HIPK2: variants seen among roughly 807,000 people sequenced by gnomAD.
The protein encoded by HIPK2 is homeodomain-interacting protein kinase 2.
A neutral mutation model predicts 113.7 loss-of-function variants in HIPK2; 27 were observed. That is an observed-to-expected ratio of 0.24 (90% CI 0.17 to 0.33). The LOEUF (loss-of-function observed/expected upper bound fraction) is 0.33, where lower values mean the gene tolerates loss of function less well. Among genes scored for constraint, HIPK2 ranks in the 10% least tolerant of loss-of-function variants. The pLI, the probability that HIPK2 is intolerant of heterozygous loss-of-function variation, is 1.00. For synonymous variants in HIPK2, 631 were observed against 642.2 expected (o/e 0.98, Z 0.26); for missense variants, 1,257 against 1,588.0 (o/e 0.79, Z 3.54).
intron 6 of HIPK2, among the ~76,000 whole-genome samples, chr7:139,622,513 AGT>A (rs1800269292): frequency 6.6e-6 from 1 of 152,162 alleles, no homozygotes; most frequent in South Asian, 2.1e-4. Context: ...AAATATTTCA[AGT>A]TTTGGGTTTT....
chr7:139,710,372 T>G (rs73733198), intron 2 of HIPK2, among the ~76,000 whole-genome samples: 3,660 of 150,824 alleles, frequency 0.024, 156 homozygotes, highest in African/African-American at 0.084. Context: ...TCATGTTAAC[T>G]TCCCTGTTAA....
rs145979005 is a variant in HIPK2 at position 139,708,370 on chromosome 7, C to T, written c.1103+7562G>A. On this transcript the variant is annotated intron_variant, in intron 2 of 14. Transcript: ENST00000406875. Reference sequence around the variant, plus strand: ...TGTAAGTAAATCATACCTCAATAAACTGTGTGTGTGTTTTTAAGAATTAGC... The same window carrying T: ...TGTAAGTAAATCATACCTCAATAAATTGTGTGTGTGTTTTTAAGAATTAGC... 9.9e-5 allele frequency among the ~76,000 whole-genome samples: 15 copies of T among 152,154 alleles called. 1 individual carries two copies. In the East Asian group the frequency reaches 2.9e-3, roughly 29 times the overall value.
intron 2 of HIPK2, among the ~76,000 whole-genome samples, chr7:139,696,766 G>T (rs908849716): frequency 6.6e-6 from 1 of 152,174 alleles, no homozygotes; most frequent in Non-Finnish European, 1.5e-5. Flanking sequence ...CAGGCTGAAA[G>T]GAACACTCAC....
intron 1 of HIPK2, among the ~76,000 whole-genome samples, chr7:139,721,726 C>A (rs1025127758): frequency 1.3e-5 from 2 of 152,080 alleles, no homozygotes; most frequent in Non-Finnish European, 2.9e-5. Flanking sequence ...AAAGAGAAGG[C>A]GGATTTTACT....
At chr7:139,700,792 T>C (rs1444374210) in intron 2 of HIPK2, among the ~76,000 whole-genome samples, 1 of 152,122 alleles carries the variant, frequency 6.6e-6, no homozygotes, top group Non-Finnish European at 1.5e-5. Flanking sequence ...CCAGAAGAGA[T>C]GGTCTCTCTC....
At chr7:139,579,728 T>C (rs1798606925) in intron 13 of HIPK2, among the ~76,000 whole-genome samples, 2 of 151,730 alleles carry the variant, frequency 1.3e-5, no homozygotes, top group African/African-American at 4.9e-5. Flanking sequence ...CAGAGCCCCC[T>C]GCCCTAAGTG....
intron 14 of HIPK2, 74 bp from the exon 15 acceptor site, chr7:139,573,471 A>G: frequency 7.4e-7 from 1 of 1,357,800 alleles, no homozygotes; most frequent in Non-Finnish European, 1.0e-6. Context: ...GAGGGGCAGG[A>G]GGGCAGGGAG....
Position 139,571,191 on chromosome 7 carries a change from A to G in HIPK2, c.*1736T>C, listed in dbSNP as rs945600721. On this transcript the variant is annotated 3_prime_UTR_variant, in exon 15 of 15. Transcript: ENST00000406875. ...AATGTGAGGAGAGAATTCAACAGCA[A>G]ACAGAGGTTGGTGGTTGTCTACAGA... 2 of 152,300 alleles carry G rather than the reference A, an allele frequency of 1.3e-5. No homozygotes were observed. Among genetic ancestry groups the G allele is most frequent in the Non-Finnish European group, 2.9e-5 (2 of 68,096 alleles). The allele number at this position is 152,300 out of a possible 1,614,324, so 9.4% of individuals were successfully genotyped here.
chr7:139,595,766 G>C (rs1054980310), intron 12 of HIPK2, among the ~76,000 whole-genome samples: 4 of 152,204 alleles, frequency 2.6e-5, no homozygotes, highest in Admixed American at 2.0e-4. Flanking sequence ...TTTCAAATGT[G>C]AGAATTTATT....
Position 139,563,650 on chromosome 7 carries a change from C to T in HIPK2, c.*9277G>A, listed in dbSNP as rs1477255938. ...GTAAAGGAAAAAACAGCAACACCAC[C>T]ACACAAACAGGAAAGTGGGAGTATG... On this transcript the variant is annotated 3_prime_UTR_variant, in exon 15 of 15. Transcript: ENST00000406875. 3 of 396,180 alleles carry T rather than the reference C, an allele frequency of 7.6e-6. No homozygotes were observed. The highest frequency in any genetic ancestry group is 1.3e-5 in the Non-Finnish European group (3 of 225,184). The allele number at this position is 396,180 out of a possible 1,614,324, so 24.5% of individuals were successfully genotyped here.
At chr7:139,754,067 T>G (rs1796325404) in intron 1 of HIPK2, among the ~76,000 whole-genome samples, 1 of 152,186 alleles carries the variant, frequency 6.6e-6, no homozygotes, top group Non-Finnish European at 1.5e-5. Flanking sequence ...AAGCGGGGGC[T>G]CGAGGCCCCA....
intron 2 of HIPK2, among the ~76,000 whole-genome samples, chr7:139,705,902 C>T (rs976051376): frequency 6.6e-6 from 1 of 151,734 alleles, no homozygotes; most frequent in Non-Finnish European, 1.5e-5. Context: ...GAGCAGCTGA[C>T]GATTGGCCTT....
chr7:139,579,686 A>G (rs560420645), intron 13 of HIPK2, among the ~76,000 whole-genome samples: 5 of 149,910 alleles, frequency 3.3e-5, no homozygotes, highest in Admixed American at 6.6e-5. Flanking sequence ...TGCTCACTAC[A>G]GGTGGAAGGG....
At position 139,716,289 on chromosome 7, in the gene HIPK2, C is replaced by A; in HGVS notation, c.746G>T (p.Arg249Leu). 1 of 1,614,194 alleles carries A rather than the reference C, an allele frequency of 6.2e-7. No homozygotes were observed. ...QGQIEVSILA[R>L]LSTESADDYN... Reference sequence around the variant, plus strand: ...GTCATCGGCACTCTCCGTGCTCAACCGGGCCAGGATGCTCACTTCAATCTG... The same window carrying A: ...GTCATCGGCACTCTCCGTGCTCAACAGGGCCAGGATGCTCACTTCAATCTG... The change falls in exon 2 of 15, where the codon CGG becomes CTG. Residue 249 changes from arginine to leucine, a missense_variant. Transcript: ENST00000406875. The surrounding 1 kb of genome is among the most constrained non-coding windows in gnomAD (Gnocchi z 9.3).
At chr7:139,627,009 A>T (rs1181438283) in intron 5 of HIPK2, among the ~76,000 whole-genome samples, 2 of 152,164 alleles carry the variant, frequency 1.3e-5, no homozygotes, top group Admixed American at 1.3e-4. Flanking sequence ...GTGCCCCAGG[A>T]AGGGGAGAGG....
chr7:139,719,958 TCTCCA>T (rs1569480578), intron 1 of HIPK2, among the ~76,000 whole-genome samples: 1 of 152,128 alleles, frequency 6.6e-6, no homozygotes, highest in African/African-American at 2.4e-5. Context: ...GCCACTCCCC[TCTCCA>T]AACTTCCACT....
intron 13 of HIPK2, among the ~76,000 whole-genome samples, chr7:139,577,298 G>C (rs768070193): frequency 3.3e-5 from 5 of 151,800 alleles, no homozygotes; most frequent in Non-Finnish European, 5.9e-5. Flanking sequence ...ACAGGCACCC[G>C]GCACCACGCC....
chr7:139,587,754 T>G (rs1798885627), intron 12 of HIPK2, among the ~76,000 whole-genome samples: 1 of 152,070 alleles, frequency 6.6e-6, no homozygotes, highest in Non-Finnish European at 1.5e-5. Context: ...GGTGTGCACC[T>G]ATAGTCCTAG....
intron 1 of HIPK2, among the ~76,000 whole-genome samples, chr7:139,758,353 G>T (rs1425465368): frequency 6.6e-6 from 1 of 152,202 alleles, no homozygotes; most frequent in Non-Finnish European, 1.5e-5. Flanking sequence ...TAAAGTAGGG[G>T]TTATGATACT....
Sources: allele counts gnomAD v4.1 joint callset (sites outside exome capture counted in the v4.1 genomes callset), GRCh38; gene constraint gnomAD v4.1.1; non-coding constraint Gnocchi (gnomAD v3.1); transcripts MANE v1.5; gene names NCBI Gene and HGNC (gene_info 2026-07-23, HGNC 2026-07-21).